The following KCNG3 variants were observed in gnomAD, a reference collection of about 807,000 sequenced individuals.
KCNG3 encodes the protein potassium voltage-gated channel modifier subfamily G member 3, also known as voltage-gated potassium channel regulatory subunit KCNG3.
KCNG3 carries 15 observed loss-of-function variants against 29.0 expected under a neutral mutation model. That is an observed-to-expected ratio of 0.52 (90% confidence interval 0.35 to 0.80). KCNG3 has a LOEUF of 0.80. Among genes scored for constraint, KCNG3 ranks in the 30% least tolerant of loss-of-function variants. The pLI, the probability that KCNG3 is intolerant of heterozygous loss-of-function variation, is 0.01. For missense variants in KCNG3, 512 were observed against 605.7 expected, an observed-to-expected ratio of 0.85 and a Z score of 1.62; for synonymous variants, 322 against 248.9, an observed-to-expected ratio of 1.29 and a Z score of -2.76.
chr2:42,426,176 G>A, the KCNG3 span, among the ~76,000 whole-genome samples: 1 of 152,048 alleles, frequency 6.6e-6, no homozygotes, highest in Non-Finnish European at 1.5e-5. Flanking sequence ...TTAAAGATCT[G>A]ACAAATACTA....
chr2:42,424,545 C>T, the KCNG3 span, among the ~76,000 whole-genome samples: 2 of 151,854 alleles, frequency 1.3e-5, no homozygotes, highest in African/African-American at 4.8e-5. Flanking sequence ...AATCCAAACA[C>T]ATAATGTTCA....
chr2:42,440,951 T>C (rs1054309727), downstream of KCNG3, among the ~76,000 whole-genome samples: 13 of 152,224 alleles, frequency 8.5e-5, no homozygotes, highest in African/African-American at 3.1e-4. Context: ...TTTGGGTATT[T>C]TAATTTAGGA....
chr2:42,463,827 G>GC (rs1317208148), intron 1 of KCNG3: 1 of 234,356 alleles, frequency 4.3e-6, no homozygotes, highest in Non-Finnish European at 8.6e-6. Flanking sequence ...TTGGTTCGCA[G>GC]GCTGCCAGTC....
chr2:42,449,470 T>TG (rs1473441065), intron 1 of KCNG3, among the ~76,000 whole-genome samples: 1 of 130,508 alleles, frequency 7.7e-6, no homozygotes, highest in Non-Finnish European at 1.7e-5. Flanking sequence ...CTACTATCAT[T>TG]GAAAAAAAAA....
the KCNG3 span, among the ~76,000 whole-genome samples, chr2:42,420,239 A>G: frequency 6.6e-6 from 1 of 152,200 alleles, no homozygotes; most frequent in Non-Finnish European, 1.5e-5. Context: ...CTCAAAAAAT[A>G]AAAAATAAAA....
intron 1 of KCNG3, among the ~76,000 whole-genome samples, chr2:42,447,681 ATTTTTTTTCT>A (rs919685993): frequency 7.3e-5 from 11 of 151,502 alleles, no homozygotes; most frequent in South Asian, 4.2e-4. Context: ...CACTTGGTTA[ATTTTTTTTCT>A]TTTTTTTTCT....
chr2:42,413,546 G>T, the KCNG3 span, among the ~76,000 whole-genome samples: 2 of 151,450 alleles, frequency 1.3e-5, no homozygotes, highest in African/African-American at 4.9e-5. Flanking sequence ...TAGTCTTCTA[G>T]TCATATCACT....
At chr2:42,490,512 T>C (rs1485461231) in intron 1 of KCNG3, among the ~76,000 whole-genome samples, 1 of 152,174 alleles carries the variant, frequency 6.6e-6, no homozygotes, top group Non-Finnish European at 1.5e-5. Context: ...TTTGTTTCCA[T>C]CCTCCACCAC....
At chr2:42,445,160 A>C (rs1672568906) in intron 1 of KCNG3, among the ~76,000 whole-genome samples, 1 of 151,954 alleles carries the variant, frequency 6.6e-6, no homozygotes, top group African/African-American at 2.4e-5. Context: ...ACTTGTCACT[A>C]ATACTTTTAA....
chr2:42,397,112 G>T, the KCNG3 span, among the ~76,000 whole-genome samples: 1 of 152,062 alleles, frequency 6.6e-6, no homozygotes, highest in Non-Finnish European at 1.5e-5. Context: ...AGGCGTGGTG[G>T]CAGACACCTG....
intron 1 of KCNG3, among the ~76,000 whole-genome samples, chr2:42,471,270 G>C (rs1673282233): frequency 6.6e-6 from 1 of 151,654 alleles, no homozygotes; most frequent in Non-Finnish European, 1.5e-5. Context: ...CAATACAAAT[G>C]TTCAACTGAT....
intron 1 of KCNG3, among the ~76,000 whole-genome samples, chr2:42,487,035 T>C (rs1673742282): frequency 6.6e-6 from 1 of 151,346 alleles, no homozygotes; most frequent in African/African-American, 2.4e-5. Context: ...CGGATACCTG[T>C]AATCCCAGCT....
At chr2:42,473,908 T>C (rs759488009) in intron 1 of KCNG3, among the ~76,000 whole-genome samples, 54 of 151,916 alleles carry the variant, frequency 3.6e-4, no homozygotes, top group Non-Finnish European at 7.4e-4. Context: ...TCCCACCACT[T>C]TGGGAAGCAG....
chr2:42,492,795 C>T, intron 1 of KCNG3, 42 bp downstream of exon 1: 1 of 1,417,676 alleles, frequency 7.1e-7, no homozygotes, highest in South Asian at 1.7e-5. Context: ...CGGACAGACG[C>T]GACAGGACGG....
chr2:42,481,223 T>C (rs1219624831), intron 1 of KCNG3, among the ~76,000 whole-genome samples: 1 of 152,180 alleles, frequency 6.6e-6, no homozygotes, highest in Non-Finnish European at 1.5e-5. Context: ...GTAGAGACCC[T>C]TGTCATACCA....
At chr2:42,388,418 A>G in the KCNG3 span, 1 of 152,252 alleles carries the variant, frequency 6.6e-6, no homozygotes, top group East Asian at 1.9e-4. Flanking sequence ...AAAATAACAG[A>G]GAGCAAAAAC....
chr2:42,421,348 G>C, the KCNG3 span, among the ~76,000 whole-genome samples: 1 of 152,110 alleles, frequency 6.6e-6, no homozygotes, highest in African/African-American at 2.4e-5. Context: ...AACAGGATGA[G>C]AGAAGATGAA....
chr2:42,462,348 T>C (rs1044148288), intron 1 of KCNG3, among the ~76,000 whole-genome samples: 1 of 152,234 alleles, frequency 6.6e-6, no homozygotes, highest in Non-Finnish European at 1.5e-5. Context: ...GCAGACCTTT[T>C]GGTATAAGAC....
chr2:42,448,373 T>C (rs1189539470), intron 1 of KCNG3, among the ~76,000 whole-genome samples: 1 of 151,634 alleles, frequency 6.6e-6, no homozygotes, highest in Admixed American at 6.6e-5. Flanking sequence ...ATTTATTTAT[T>C]TATTTATTTA....
Sources: gnomAD v4.1 joint callset for allele counts (sites outside exome capture counted in the v4.1 genomes callset) on GRCh38, gnomAD v4.1.1 for gene constraint, MANE v1.5 for transcripts, NCBI Gene and HGNC (gene_info 2026-07-23, HGNC 2026-07-21) for gene names.